The following PEX11G variants were observed in gnomAD, a reference collection of about 807,000 sequenced individuals.
PEX11G encodes the protein peroxisomal biogenesis factor 11 gamma.
A neutral mutation model predicts 22.5 loss-of-function variants in PEX11G; 20 were observed. The ratio of observed to expected loss-of-function variants is 0.89; its 90% CI spans 0.62 to 1.29. The LOEUF is 1.29. PEX11G is among the 50% of genes most tolerant of loss of function. PEX11G has a pLI of 0.00. For missense variants in PEX11G, 347 were observed against 331.3 expected, an observed-to-expected ratio of 1.05 and a Z score of -0.37; for synonymous variants, 141 against 154.5, an observed-to-expected ratio of 0.91 and a Z score of 0.65.
upstream of PEX11G, among the ~76,000 whole-genome samples, chr19:7,491,855 G>A (rs549378355): frequency 6.0e-5 from 9 of 151,260 alleles, no homozygotes; most frequent in East Asian, 1.2e-3. Context: ...ATGCGGTCTC[G>A]CTATGTTCAC....
intron 1 of PEX11G, 107 bp from the exon 2 acceptor site, chr19:7,486,133 T>C: frequency 1.0e-6 from 1 of 987,122 alleles, no homozygotes; most frequent in South Asian, 1.9e-5. Context: ...TGTGGAAGAT[T>C]CTCTTTTTTT....
chr19:7,489,265 A>G, upstream of PEX11G: 4 of 1,255,916 alleles, frequency 3.2e-6, no homozygotes, highest in Non-Finnish European at 2.0e-6. Context: ...GGTTTGGCCA[A>G]CTACCCACGC....
At chr19:7,490,456 C>G (rs11882653), upstream of PEX11G, among the ~76,000 whole-genome samples, 55,463 of 148,704 alleles carry the variant, frequency 0.37, 10,901 homozygotes, top group African/African-American at 0.51. Context: ...GAGTAGCTGG[C>G]ACTACTACAG....
At chr19:7,489,434 G>C, upstream of PEX11G, 2 of 1,002,550 alleles carry the variant, frequency 2.0e-6, no homozygotes, top group Non-Finnish European at 2.4e-6. Flanking sequence ...GTAGTGAGCA[G>C]GAATGACTGC....
At chr19:7,481,494 G>A (rs942792234) in intron 3 of PEX11G, among the ~76,000 whole-genome samples, 8 of 152,204 alleles carry the variant, frequency 5.3e-5, no homozygotes, top group South Asian at 4.1e-4. Flanking sequence ...GAGCCACCAC[G>A]CCCAACCTAA....
chr19:7,480,288 A>T (rs571534156), intron 3 of PEX11G, among the ~76,000 whole-genome samples: 1 of 152,100 alleles, frequency 6.6e-6, no homozygotes, highest in African/African-American at 2.4e-5. Flanking sequence ...AAAGAAAGGA[A>T]CCAAGGCTGC....
At position 7,482,057 on chromosome 19, in the gene PEX11G, A is replaced by C. The variant is rs1452240497; in HGVS notation, c.404T>G (p.Leu135Arg). The C allele has an allele frequency of 1.0e-5, 16 of 1,601,332 alleles. No homozygotes were observed. Among genetic ancestry groups the C allele is most frequent in the Non-Finnish European group, 1.4e-5 (16 of 1,175,290 alleles). ...WWTLSTTLWA[L>R]SLLLGVARSL... is the part of the protein sequence containing the mutation. ...CCTGGCAACCCCCAGGAGCAGAGAG[A>C]GGGCCCACAGGGTTGTACTCAGCGT... The change falls in exon 3 of 5, where the codon CTC (leucine) becomes CGC (arginine). Residue 135 changes from leucine (L) to arginine (R), a missense_variant. Transcript: ENST00000221480.
chr19:7,477,451 G>C lies in PEX11G; in HGVS notation c.492-15C>G, dbSNP rs774211350. 6.3e-6 allele frequency: 9 copies of C among 1,418,530 alleles called. No individual in the cohort carries two copies. Among genetic ancestry groups the C allele is most frequent in the Non-Finnish European group, 8.3e-6 (9 of 1,090,068 alleles). The allele number at this position is 1,418,530 out of a possible 1,614,324, so 87.9% of individuals were successfully genotyped here. On this transcript the variant is annotated splice_polypyrimidine_tract_variant and intron_variant, in intron 4 of 4. Coordinates refer to ENST00000221480, the MANE Select transcript of PEX11G (RefSeq NM_080662.4). Reference sequence around the variant, plus strand: ...GGGGCAGCGGGCTGTGGGGCAGAGAGGGGCCGCTTACACTCACGCTCACAC... The same window carrying C: ...GGGGCAGCGGGCTGTGGGGCAGAGACGGGCCGCTTACACTCACGCTCACAC...
chr19:7,482,332 G>T, intron 2 of PEX11G, 121 bp from the exon 3 acceptor site: 1 of 1,159,370 alleles, frequency 8.6e-7, no homozygotes, highest in Non-Finnish European at 1.2e-6. Flanking sequence ...CCGTGTCCAG[G>T]CCTGGCAGGC....
intron 1 of PEX11G, among the ~76,000 whole-genome samples, chr19:7,488,127 C>T (rs955483427): frequency 1.2e-4 from 18 of 152,360 alleles, no homozygotes; most frequent in East Asian, 7.7e-4. Flanking sequence ...GGACCAACTA[C>T]AGTGGCCCGG....
intron 3 of PEX11G, among the ~76,000 whole-genome samples, chr19:7,481,068 C>T (rs965310120): frequency 6.6e-6 from 1 of 152,146 alleles, no homozygotes; most frequent in Non-Finnish European, 1.5e-5. Context: ...CTGCTTCTCA[C>T]AGGCCCTGGA....
At chr19:7,493,064 G>T (rs952838624), upstream of PEX11G, 1 of 152,266 alleles carries the variant, frequency 6.6e-6, no homozygotes, top group Non-Finnish European at 1.5e-5. Flanking sequence ...AGAAAACAGA[G>T]AATCTGTTTT....
At chr19:7,480,486 C>A (rs1466170837) in intron 3 of PEX11G, among the ~76,000 whole-genome samples, 1 of 152,086 alleles carries the variant, frequency 6.6e-6, no homozygotes, top group Non-Finnish European at 1.5e-5. Flanking sequence ...GGGGCCATGG[C>A]CATGAAACAT....
chr19:7,477,419 TTGCCCCGGGGCAGC>T lies in PEX11G; in HGVS notation c.495_508del (p.Leu166AlafsTer119), dbSNP rs1180739441. 2.0e-6 allele frequency: 3 copies of T among 1,472,762 alleles called. No homozygotes were observed. The East Asian group carries it at 7.8e-5, about 38-fold the overall frequency. 91.2% of individuals were successfully genotyped at this position (1,472,762 alleles called of 1,614,324 possible). ...CATCTGCGCCTCCATGGCCCTCCGC[TTGCCCCGGGGCAGC>T]GGGCTGTGGGGCAGAGAGGGGCCGC... On this transcript the variant is annotated frameshift_variant, in exon 5 of 5. Coordinates refer to ENST00000221480, the MANE Select transcript of PEX11G (RefSeq NM_080662.4). LOFTEE classifies it low-confidence loss of function (END_TRUNC).
intron 3 of PEX11G, among the ~76,000 whole-genome samples, chr19:7,479,961 G>C (rs1383047921): frequency 2.6e-5 from 4 of 152,136 alleles, no homozygotes; most frequent in Admixed American, 6.6e-5. Context: ...GCCTAAAACT[G>C]CTCTAAAAAA....
intron 3 of PEX11G, among the ~76,000 whole-genome samples, chr19:7,478,608 G>A (rs1338374112): frequency 6.6e-6 from 1 of 152,038 alleles, no homozygotes. Context: ...TTCTGACGTG[G>A]CCATCCAGGG....
chr19:7,482,410 G>A (rs1006231543), intron 2 of PEX11G, among the ~76,000 whole-genome samples, 199 bp from the exon 3 acceptor site: 6 of 152,222 alleles, frequency 3.9e-5, no homozygotes, highest in Admixed American at 3.9e-4. Flanking sequence ...CGGCAGCACG[G>A]TGCTCAGTGC....
chr19:7,484,273 G>A (rs2021538164), intron 2 of PEX11G, among the ~76,000 whole-genome samples: 1 of 152,102 alleles, frequency 6.6e-6, no homozygotes. Context: ...AGGATCACCT[G>A]AGCCCGGGAA....
chr19:7,489,530 AAAAT>A (rs1436416612), upstream of PEX11G: 12 of 978,606 alleles, frequency 1.2e-5, no homozygotes, highest in African/African-American at 1.8e-5. Context: ...ACATAAATAA[AAAAT>A]AAAAATGCAC....
Sources: gnomAD v4.1 joint callset for allele counts (sites outside exome capture counted in the v4.1 genomes callset) on GRCh38, gnomAD v4.1.1 for gene constraint, MANE v1.5 for transcripts, NCBI Gene and HGNC (gene_info 2026-07-23, HGNC 2026-07-21) for gene names.